TOGARAM1: variants seen among roughly 807,000 people sequenced by gnomAD.
The protein encoded by TOGARAM1 is TOG array regulator of axonemal microtubules 1, also known as TOG array regulator of axonemal microtubules protein 1.
In TOGARAM1, 100 loss-of-function variants were observed where a neutral mutation model predicts 166.6. The ratio of observed to expected loss-of-function variants is 0.60; its 90% CI spans 0.51 to 0.71. TOGARAM1 has a LOEUF of 0.71. Among genes scored for constraint, TOGARAM1 ranks in the 30% least tolerant of loss-of-function variants. The probability of loss-of-function intolerance (pLI) is 0.00; values close to 1 mark genes in which losing one functional copy is unlikely to be tolerated. For missense variants in TOGARAM1, 2,029 were observed against 2,102.7 expected (o/e 0.96, Z 0.69); for synonymous variants, 758 against 763.8 (o/e 0.99, Z 0.13).
chr14:44,970,282 C>T (rs1885809558), intron 1 of TOGARAM1, among the ~76,000 whole-genome samples: 2 of 152,124 alleles, frequency 1.3e-5, no homozygotes, highest in South Asian at 2.1e-4. Flanking sequence ...ATTGAAATAT[C>T]CTACTTCTGT....
In TOGARAM1 at chr14:44,963,310, T is replaced by C; in HGVS notation, c.889T>C (p.Ser297Pro). 6.2e-7 allele frequency: 1 copy of C among 1,614,220 alleles called. No homozygotes were observed. The highest frequency in any genetic ancestry group is 8.5e-7 in the Non-Finnish European group (1 of 1,180,036). The change falls in exon 1 of 20, where the codon TCT becomes CCT. Residue 297 changes from serine (S) to proline (P), a missense_variant. Physicochemically the swap from Ser to Pro is moderately conservative, Grantham distance 74. Coordinates refer to ENST00000361462, the MANE Select transcript of TOGARAM1 (RefSeq NM_001308120.2). Reference protein sequence around the residue: ...LGQDRFQSYISRLPSALRRHY... With the variant: ...LGQDRFQSYIPRLPSALRRHY... ...CCAAGACAGGTTTCAATCTTACATT[T>C]CTCGTCTGCCCTCTGCCCTGAGGAG...
At chr14:44,968,155 A>T (rs1290687931) in intron 1 of TOGARAM1, among the ~76,000 whole-genome samples, 1 of 152,252 alleles carries the variant, frequency 6.6e-6, no homozygotes, top group African/African-American at 2.4e-5. Context: ...AAGGTCTTAG[A>T]AGAACTATTT....
intron 2 of TOGARAM1, chr14:44,996,885 C>G (rs370593162): frequency 2.0e-5 from 3 of 152,368 alleles, no homozygotes; most frequent in East Asian, 1.9e-4. Context: ...ATCATGAGAA[C>G]AGCTCCAAAA....
rs971972295 is a variant in TOGARAM1, at chr14:44,976,392, G to A, written c.2046+11925G>A. Among the ~76,000 whole-genome samples the A allele has an allele frequency of 4.0e-5, 6 of 151,724 alleles. No individual in the cohort carries two copies. In the East Asian group the frequency reaches 7.7e-4, roughly 20 times the overall value. On this transcript the variant is annotated intron_variant, in intron 1 of 19. Transcript: ENST00000361462. The stretch of plus-strand genomic sequence containing the variant: ...CTTATCTGAAGTCTTCTTTCATCAC[G>A]TGCCCCATCTCATCCTAAGCTTTCC...
At position 45,032,206 on chromosome 14, in the gene TOGARAM1, A is replaced by G; in HGVS notation, c.3659-17A>G. On this transcript the variant is annotated splice_polypyrimidine_tract_variant and intron_variant, in intron 10 of 19. Coordinates refer to ENST00000361462, the MANE Select transcript of TOGARAM1 (RefSeq NM_001308120.2). ...AAAAAGGTTCTCTCATAGTTTATTT[A>G]ATGTATTTTGTTTTAGGTGAAACAC... 1 of 1,588,832 alleles carries G rather than the reference A, an allele frequency of 6.3e-7. No homozygotes were observed.
rs756440165 is a variant in TOGARAM1, at chr14:45,006,092, C to G, written c.2729C>G (p.Thr910Arg). Residue 910 changes from threonine to arginine, a missense_variant, in exon 5 of 20, where the codon ACA becomes AGA. Coordinates refer to ENST00000361462, the MANE Select transcript of TOGARAM1 (RefSeq NM_001308120.2). ...TCTTCCCGACGAGGTCTAAATGGGACAAAGCCTGTTCCTCCCATACCAAGG... is the reference window on the plus strand; with the variant it reads ...TCTTCCCGACGAGGTCTAAATGGGAGAAAGCCTGTTCCTCCCATACCAAGG... ...SPSSRRGLNG[T>R]KPVPPIPRGI... 5.0e-6 allele frequency: 8 copies of G among 1,613,810 alleles called. No homozygotes were observed. In the Admixed American group the frequency reaches 1.3e-4, roughly 27 times the overall value.
intron 11 of TOGARAM1, among the ~76,000 whole-genome samples, chr14:45,043,302 C>T (rs1466573123): frequency 2.0e-5 from 3 of 152,040 alleles, no homozygotes; most frequent in African/African-American, 7.2e-5. Context: ...CTCAGCCTCC[C>T]GAGTAGCTGG....
intron 16 of TOGARAM1, among the ~76,000 whole-genome samples, chr14:45,063,835 A>G (rs1172969012): frequency 6.6e-6 from 1 of 152,050 alleles, no homozygotes; most frequent in Non-Finnish European, 1.5e-5. Context: ...CCTATTTTCA[A>G]TTCGGCCTTG....
Position 45,004,256 on chromosome 14 carries a change from T to A in TOGARAM1, c.2534T>A (p.Val845Asp). ...ISPKKSQDNS[V>D]NFSNSWPLKS... The stretch of plus-strand genomic sequence containing the variant: ...CCAAAGAAGTCTCAAGATAATTCTG[T>A]TAATTTCTCAAATTCCTGGCCTCTT... Residue 845 changes from valine (V) to aspartate (D), a missense_variant, in exon 4 of 20, where the codon GTT (valine) becomes GAT (aspartate). By Grantham distance (152) the Val-to-Asp change is radical. Coordinates refer to ENST00000361462, the MANE Select transcript of TOGARAM1 (RefSeq NM_001308120.2). 2 of 1,614,134 alleles carry A rather than the reference T, an allele frequency of 1.2e-6. No individual in the cohort carries two copies. The highest frequency in any genetic ancestry group is 1.7e-5 in the Admixed American group (1 of 60,018).
At chr14:45,058,931 A>G (rs1473499056) in intron 16 of TOGARAM1, among the ~76,000 whole-genome samples, 1 of 151,374 alleles carries the variant, frequency 6.6e-6, no homozygotes, top group African/African-American at 2.4e-5. Context: ...ATACTTTCTT[A>G]TGTTCTTATG....
chr14:45,008,659 A>G (rs1237465748), intron 5 of TOGARAM1, among the ~76,000 whole-genome samples: 12 of 152,190 alleles, frequency 7.9e-5, no homozygotes, highest in Admixed American at 7.9e-4. Flanking sequence ...CCAGTGCTGA[A>G]GATACCATGA....
At chr14:44,978,102 C>T (rs1789006888) in intron 1 of TOGARAM1, 1 of 152,108 alleles carries the variant, frequency 6.6e-6, no homozygotes, top group African/African-American at 2.4e-5. Context: ...TTCACAAAAT[C>T]GTTATAAGTT....
At chr14:45,067,100 A>G (rs1883172957) in intron 17 of TOGARAM1, among the ~76,000 whole-genome samples, 1 of 152,156 alleles carries the variant, frequency 6.6e-6, no homozygotes, top group Admixed American at 6.6e-5. Flanking sequence ...ATATATAGAT[A>G]TATAATTCTC....
Position 45,013,086 on chromosome 14 carries a change from TC to T in TOGARAM1, c.3238+1014del, listed in dbSNP as rs1879909243. On this transcript the variant is annotated intron_variant, in intron 7 of 19. Coordinates refer to ENST00000361462, the MANE Select transcript of TOGARAM1 (RefSeq NM_001308120.2). Reference sequence around the variant, plus strand: ...ACTGCCCTCTTTGTATCTTGTACTTTCCCTGTTTGTATCCAGTTAAATCAGA... The same window carrying T: ...ACTGCCCTCTTTGTATCTTGTACTTTCCTGTTTGTATCCAGTTAAATCAGA... Among the ~76,000 whole-genome samples the T allele has an allele frequency of 2.0e-5, 3 of 152,198 alleles. No homozygotes were observed. In the South Asian group the frequency reaches 6.2e-4, roughly 32 times the overall value.
intron 5 of TOGARAM1, 53 bp downstream of exon 5, chr14:45,006,320 A>G: frequency 7.6e-7 from 1 of 1,314,066 alleles, no homozygotes; most frequent in Non-Finnish European, 1.0e-6. Context: ...TTTCTATAAT[A>G]TAGTTGCTAT....
At chr14:45,025,080 G>T (rs1880751549) in intron 7 of TOGARAM1, among the ~76,000 whole-genome samples, 1 of 152,164 alleles carries the variant, frequency 6.6e-6, no homozygotes, top group South Asian at 2.1e-4. Flanking sequence ...AGTCTAGTAG[G>T]ATTGTAAATA....
chr14:44,997,197 A>T (rs1222172316), intron 2 of TOGARAM1: 1 of 152,240 alleles, frequency 6.6e-6, no homozygotes, highest in African/African-American at 2.4e-5. Context: ...CACGCAGTCA[A>T]GAGACTGAGA....
intron 7 of TOGARAM1, among the ~76,000 whole-genome samples, chr14:45,012,342 G>C (rs931585685): frequency 3.3e-5 from 5 of 152,090 alleles, no homozygotes; most frequent in Non-Finnish European, 5.9e-5. Context: ...TTATGTAGTT[G>C]GTGTGGAGTG....
At chr14:45,060,562 T>C (rs1176432815) in intron 16 of TOGARAM1, among the ~76,000 whole-genome samples, 1 of 152,130 alleles carries the variant, frequency 6.6e-6, no homozygotes, top group Non-Finnish European at 1.5e-5. Context: ...AAATAAGAAT[T>C]GGTAATTTTT....
Sources: gnomAD v4.1 joint callset for allele counts (sites outside exome capture counted in the v4.1 genomes callset) on GRCh38, gnomAD v4.1.1 for gene constraint, MANE v1.5 for transcripts, NCBI Gene and HGNC (gene_info 2026-07-23, HGNC 2026-07-21) for gene names.